Variants in PTPRG observed in about 807,000 individuals in gnomAD.
PTPRG encodes receptor-type tyrosine-protein phosphatase gamma.
A neutral mutation model predicts 165.3 loss-of-function variants in PTPRG; 102 were observed. The observed-to-expected ratio is 0.62, with a 90% CI of 0.53 to 0.73. The LOEUF is 0.73. Ranked by LOEUF, PTPRG falls within the 30% of genes least tolerant of loss-of-function variation. The probability of loss-of-function intolerance (pLI) is 0.00; values close to 1 mark genes in which losing one functional copy is unlikely to be tolerated. For missense variants in PTPRG, 1,866 were observed against 1,861.4 expected, an observed-to-expected ratio of 1.00 and a Z score of -0.05; for synonymous variants, 675 against 669.5, an observed-to-expected ratio of 1.01 and a Z score of -0.13.
chr3:61,964,008 A>G (rs560529160), intron 2 of PTPRG, among the ~76,000 whole-genome samples: 15 of 152,356 alleles, frequency 9.8e-5, no homozygotes, highest in African/African-American at 3.4e-4. Flanking sequence ...ATTCTTTCAG[A>G]TAGTATTCTA....
At chr3:61,913,912 G>A (rs1056534840) in intron 2 of PTPRG, among the ~76,000 whole-genome samples, 6 of 152,198 alleles carry the variant, frequency 3.9e-5, no homozygotes, top group Non-Finnish European at 7.3e-5. Flanking sequence ...TAAACTGAGA[G>A]GCGTGGTCTT....
intron 2 of PTPRG, among the ~76,000 whole-genome samples, chr3:61,923,299 A>G (rs549959971): frequency 6.6e-6 from 1 of 152,316 alleles, no homozygotes; most frequent in Admixed American, 6.5e-5. Context: ...GAAAAGTGCT[A>G]AGAATTGATT....
intron 8 of PTPRG, among the ~76,000 whole-genome samples, chr3:62,175,532 T>G (rs191377547): frequency 1.3e-5 from 2 of 152,358 alleles, no homozygotes; most frequent in East Asian, 3.9e-4. Flanking sequence ...CATAGTTGTT[T>G]TATTTAATCC....
At chr3:61,861,321 C>G (rs1575730425) in intron 2 of PTPRG, among the ~76,000 whole-genome samples, 1 of 152,074 alleles carries the variant, frequency 6.6e-6, no homozygotes, top group Admixed American at 6.5e-5. Context: ...AAAAAATTGG[C>G]ACAGTCACTG....
chr3:61,670,638 C>G (rs1157402458), intron 1 of PTPRG, among the ~76,000 whole-genome samples: 1 of 152,168 alleles, frequency 6.6e-6, no homozygotes, highest in Admixed American at 6.5e-5. Context: ...TAGAAACCTT[C>G]TAGAAGGGGA....
chr3:61,939,894 T>G (rs1208033953), intron 2 of PTPRG, among the ~76,000 whole-genome samples: 1 of 142,794 alleles, frequency 7.0e-6, no homozygotes. Context: ...GAAGTATTGG[T>G]GGGGTCCATG....
intron 2 of PTPRG, among the ~76,000 whole-genome samples, chr3:61,798,351 G>T (rs879626869): frequency 2.0e-5 from 3 of 152,262 alleles, no homozygotes; most frequent in South Asian, 4.1e-4. Flanking sequence ...CCAAAATCCC[G>T]TATGTGACAG....
chr3:62,056,573 G>T (rs891973135), intron 4 of PTPRG, among the ~76,000 whole-genome samples: 5 of 152,108 alleles, frequency 3.3e-5, no homozygotes, highest in African/African-American at 1.2e-4. Flanking sequence ...GGCTTAATAA[G>T]CCTTTGTTAT....
chr3:62,119,814 T>G (rs1702998034), intron 5 of PTPRG, among the ~76,000 whole-genome samples: 1 of 147,514 alleles, frequency 6.8e-6, no homozygotes, highest in Non-Finnish European at 1.5e-5. Context: ...TTTTTGTATT[T>G]TAGTAGAGGC....
intron 5 of PTPRG, among the ~76,000 whole-genome samples, chr3:62,090,100 G>T (rs115969202): frequency 6.6e-6 from 1 of 152,276 alleles, no homozygotes; most frequent in East Asian, 1.9e-4. Context: ...TACACTGTCA[G>T]TAATTTGTTT....
At chr3:62,187,205 T>TACTA (rs1480681811) in intron 8 of PTPRG, among the ~76,000 whole-genome samples, 1 of 152,246 alleles carries the variant, frequency 6.6e-6, no homozygotes, top group Admixed American at 6.5e-5. Flanking sequence ...CAACTCCACG[T>TACTA]ACTAGTAAGT....
intron 2 of PTPRG, among the ~76,000 whole-genome samples, chr3:61,978,136 G>A (rs1433834186): frequency 6.6e-6 from 1 of 152,184 alleles, no homozygotes; most frequent in African/African-American, 2.4e-5. Flanking sequence ...ACAAGTGTAA[G>A]CCACCATGCC....
At chr3:61,645,407 G>C (rs190711170) in intron 1 of PTPRG, among the ~76,000 whole-genome samples, 2 of 152,296 alleles carry the variant, frequency 1.3e-5, no homozygotes, top group Admixed American at 6.5e-5. Flanking sequence ...TGAGGTTCAG[G>C]TTTCCAGCCT....
At position 62,273,553 on chromosome 3, in the gene PTPRG, T is replaced by G; in HGVS notation, c.3319-145T>G. The G allele has an allele frequency of 1.3e-6, 1 of 769,194 alleles. No individual in the cohort carries two copies. Among genetic ancestry groups the G allele is most frequent in the Non-Finnish European group, 2.2e-6 (1 of 453,768 alleles). The allele number at this position is 769,194 out of a possible 1,614,324, so 47.6% of individuals were successfully genotyped here. A position where few individuals can be genotyped will look rare whatever the true frequency, so the allele number is the denominator to read the frequency against. ...AAGTTAAGACTGATAAAGTGAGTAT[T>G]GGAGCAAATCACCTAGCTGTAAGTG... On this transcript the variant is annotated intron_variant, in intron 22 of 29. Coordinates refer to ENST00000474889, the MANE Select transcript of PTPRG (RefSeq NM_002841.4). The surrounding 1 kb of genome is among the most constrained non-coding windows in gnomAD (Gnocchi z 4.1).
chr3:61,796,638 T>C (rs1272865010), intron 2 of PTPRG, among the ~76,000 whole-genome samples: 4 of 152,234 alleles, frequency 2.6e-5, no homozygotes, highest in African/African-American at 9.6e-5. Flanking sequence ...CCTTTGCCCT[T>C]GTGTGCAGGA....
intron 2 of PTPRG, among the ~76,000 whole-genome samples, chr3:61,813,027 T>A (rs992748274): frequency 2.5e-5 from 3 of 120,402 alleles, no homozygotes; most frequent in East Asian, 4.9e-4. Context: ...CACCTGAAAC[T>A]GTTTCCCACC....
At chr3:61,686,761 A>G (rs1703645122) in intron 1 of PTPRG, among the ~76,000 whole-genome samples, 1 of 152,220 alleles carries the variant, frequency 6.6e-6, no homozygotes, top group African/African-American at 2.4e-5. Context: ...GTTTGTCTGT[A>G]TATCGAAATC....
chr3:61,795,739 T>G (rs1254826248), intron 2 of PTPRG, among the ~76,000 whole-genome samples: 5 of 151,346 alleles, frequency 3.3e-5, no homozygotes, highest in Non-Finnish European at 4.4e-5. Context: ...TTGGCATAAG[T>G]GCTTAGTATA....
chr3:61,576,288 A>ATTG, intron 1 of PTPRG, among the ~76,000 whole-genome samples: 1 of 152,072 alleles, frequency 6.6e-6, no homozygotes, highest in African/African-American at 2.4e-5. Context: ...GTTCATAGCT[A>ATTG]CTCTTCATAT....
Sources: gnomAD v4.1 joint callset for allele counts (sites outside exome capture counted in the v4.1 genomes callset) on GRCh38, gnomAD v4.1.1 for gene constraint, Gnocchi (gnomAD v3.1) non-coding constraint, MANE v1.5 for transcripts, NCBI Gene and HGNC (gene_info 2026-07-23, HGNC 2026-07-21) for gene names.